CEP162: variants seen among roughly 807,000 people sequenced by gnomAD.
The protein encoded by CEP162 is centrosomal protein of 162 kDa.
A neutral mutation model predicts 169.2 loss-of-function variants in CEP162; 141 were observed. The observed-to-expected ratio is 0.83, with a 90% confidence interval of 0.73 to 0.96. The LOEUF is 0.96. CEP162 is among the 40% of genes least tolerant of loss of function. The probability of loss-of-function intolerance (pLI) is 0.00; values close to 1 mark genes in which losing one functional copy is unlikely to be tolerated. For missense variants in CEP162, 1,600 were observed against 1,587.2 expected (o/e 1.01, Z -0.14); for synonymous variants, 540 against 526.4 (o/e 1.03, Z -0.35).
chr6:84,187,778 G>C (rs561610012), intron 11 of CEP162, among the ~76,000 whole-genome samples: 1 of 152,280 alleles, frequency 6.6e-6, no homozygotes, highest in East Asian at 1.9e-4. Flanking sequence ...CCACATGCCA[G>C]CCGACCATGG....
chr6:84,140,875 C>G (rs1371499359), intron 25 of CEP162, among the ~76,000 whole-genome samples: 1 of 152,054 alleles, frequency 6.6e-6, no homozygotes, highest in Non-Finnish European at 1.5e-5. Context: ...GCAGCAGTTC[C>G]CAGACTTTTT....
At chr6:84,161,003 T>A (rs1696095185) in intron 20 of CEP162, 87 bp from the exon 21 acceptor site, 2 of 871,548 alleles carry the variant, frequency 2.3e-6, no homozygotes, top group South Asian at 1.5e-5. Context: ...AGTGCACTCA[T>A]ACATTTATTA....
chr6:84,164,844 C>T (rs1462019628), intron 18 of CEP162, among the ~76,000 whole-genome samples: 1 of 151,980 alleles, frequency 6.6e-6, no homozygotes, highest in Non-Finnish European at 1.5e-5. Context: ...TACATGTATC[C>T]CAGAACTTAA....
chr6:84,219,252 T>G (rs2099552717), intron 3 of CEP162: 4 of 887,252 alleles, frequency 4.5e-6, no homozygotes, highest in Non-Finnish European at 6.5e-6. Flanking sequence ...AGTAACCGTT[T>G]GCTTGAATCA....
intron 25 of CEP162, among the ~76,000 whole-genome samples, chr6:84,141,220 C>T (rs1402295002): frequency 6.6e-6 from 1 of 151,346 alleles, no homozygotes; most frequent in Non-Finnish European, 1.5e-5. Flanking sequence ...ATGGGTATAC[C>T]TTTAAAGATT....
rs1588907699 is a variant in CEP162 at position 84,226,470 on chromosome 6, T to C, written c.-59-18A>G. On this transcript the variant is annotated intron_variant, in intron 1 of 26. Transcript: ENST00000403245. ...TGGAAACACTAAATGACAAGAGACA[T>C]AAACATCTTTTGAGGAAATCCATCA... is the stretch of plus-strand genomic sequence containing the variant. 2.9e-6 allele frequency: 3 copies of C among 1,026,904 alleles called. No individual in the cohort carries two copies. Among genetic ancestry groups the C allele is most frequent in the South Asian group, 2.8e-5 (2 of 72,262 alleles). The allele number at this position is 1,026,904 out of a possible 1,614,324, so 63.6% of individuals were successfully genotyped here.
At chr6:84,173,411 A>G (rs1474619499) in intron 16 of CEP162, among the ~76,000 whole-genome samples, 3 of 152,232 alleles carry the variant, frequency 2.0e-5, no homozygotes, top group African/African-American at 7.2e-5. Flanking sequence ...CATAAATTAA[A>G]ACTTTGTTAA....
In CEP162 at chr6:84,224,462, T is replaced by C. The variant is rs1237436464; in HGVS notation, c.57+1875A>G. Among the ~76,000 whole-genome samples, 7 of 152,292 alleles carry C rather than the reference T, an allele frequency of 4.6e-5. No individual in the cohort carries two copies. The South Asian group carries it at 1.5e-3, about 32-fold the overall frequency. The stretch of plus-strand genomic sequence containing the variant: ...GGGTGATAAAAATTCCTATAATTGA[T>C]TGTGGTGATGGTTACATAACTCTGA... On this transcript the variant is annotated intron_variant, in intron 2 of 26. Coordinates refer to ENST00000403245, the MANE Select transcript of CEP162 (RefSeq NM_014895.4).
chr6:84,193,701 G>GA lies in CEP162; in HGVS notation c.1028-12dup, dbSNP rs536923886. On this transcript the variant is annotated splice_polypyrimidine_tract_variant and intron_variant, in intron 10 of 26. Coordinates refer to ENST00000403245, the MANE Select transcript of CEP162 (RefSeq NM_014895.4). ...CTACTGTGGGCAGATCTAAGAGGTG[G>GA]AAAAAAAAGTAGAAACGAAAAATGT... The GA allele has an allele frequency of 6.7e-5, 102 of 1,521,208 alleles. No homozygotes were observed. Among genetic ancestry groups the GA allele is most frequent in the South Asian group, 3.7e-4 (29 of 79,130 alleles). The allele number at this position is 1,521,208 out of a possible 1,614,324, so 94.2% of individuals were successfully genotyped here.
At chr6:84,174,271 T>TTC in intron 15 of CEP162, 83 bp from the exon 16 acceptor site, 1 of 1,092,832 alleles carries the variant, frequency 9.2e-7, no homozygotes, top group Non-Finnish European at 1.3e-6. Context: ...GAAACTCCTA[T>TTC]TTAGATCGAA....
chr6:84,208,860 T>C (rs2099548351), intron 6 of CEP162, among the ~76,000 whole-genome samples: 1 of 152,224 alleles, frequency 6.6e-6, no homozygotes, highest in Non-Finnish European at 1.5e-5. Context: ...CACTTCTAAG[T>C]GCTGTGAACA....
Position 84,171,625 on chromosome 6 carries a change from T to C in CEP162, c.2260A>G (p.Ser754Gly). The C allele has an allele frequency of 6.6e-7, 1 of 1,505,816 alleles. No individual in the cohort carries two copies. Among genetic ancestry groups the C allele is most frequent in the South Asian group, 1.3e-5 (1 of 75,114 alleles). 93.3% of individuals were successfully genotyped at this position (1,505,816 alleles called of 1,614,324 possible). The change falls in exon 17 of 27, where the codon AGT (serine) becomes GGT (glycine). Residue 754 changes from serine to glycine, a missense_variant. By Grantham distance (56) the Ser-to-Gly change is moderately conservative (BLOSUM62 0). Transcript: ENST00000403245. Reference sequence around the variant, plus strand: ...ACTTACTTTAAGGAAGCTACCTCACTGAATAAACTTTGGTTTTCCTTAAAC... The same window carrying C: ...ACTTACTTTAAGGAAGCTACCTCACCGAATAAACTTTGGTTTTCCTTAAAC... Reference protein sequence around the residue: ...RMFKENQSLFSEVASLKEQMH... With the variant: ...RMFKENQSLFGEVASLKEQMH...
intron 13 of CEP162, among the ~76,000 whole-genome samples, chr6:84,176,507 A>G (rs1489624227): frequency 6.6e-6 from 1 of 152,196 alleles, no homozygotes; most frequent in African/African-American, 2.4e-5. Context: ...CTGCTAGCAC[A>G]TGATTCTCCT....
At chr6:84,166,748 C>T (rs2099527994) in intron 18 of CEP162, among the ~76,000 whole-genome samples, 1 of 152,118 alleles carries the variant, frequency 6.6e-6, no homozygotes, top group Non-Finnish European at 1.5e-5. Flanking sequence ...AACCAACTAA[C>T]ATTTTAAGAA....
chr6:84,201,742 G>T lies in CEP162; in HGVS notation c.713C>A (p.Ala238Asp). ...TGAATATAAATAATATTTACCATTAGCAAGCATGCCAGTTTTTTCTTCTTC... is the reference window on the plus strand; with the variant it reads ...TGAATATAAATAATATTTACCATTATCAAGCATGCCAGTTTTTTCTTCTTC... Reference protein sequence around the residue: ...KQEEEKTGMLANVVLLDSLDS... With the variant: ...KQEEEKTGMLDNVVLLDSLDS... Residue 238 changes from alanine (A) to aspartate (D), a missense_variant, in exon 8 of 27, where the codon GCT (alanine) becomes GAT (aspartate). Physicochemically the swap from Ala to Asp is moderately radical, Grantham distance 126. Transcript: ENST00000403245. The T allele has an allele frequency of 7.5e-7, 1 of 1,338,588 alleles. No individual in the cohort carries two copies. Among genetic ancestry groups the T allele is most frequent in the Non-Finnish European group, 1.0e-6 (1 of 967,304 alleles). The allele number at this position is 1,338,588 out of a possible 1,614,324, so 82.9% of individuals were successfully genotyped here.
intron 11 of CEP162, among the ~76,000 whole-genome samples, chr6:84,192,153 A>G (rs2099540193): frequency 1.3e-5 from 2 of 152,206 alleles, no homozygotes; most frequent in African/African-American, 4.8e-5. Context: ...ATGACAAGCT[A>G]CTAAGATTTC....
At chr6:84,165,656 T>C (rs2099527540) in intron 18 of CEP162, among the ~76,000 whole-genome samples, 1 of 152,196 alleles carries the variant, frequency 6.6e-6, no homozygotes, top group Non-Finnish European at 1.5e-5. Context: ...ATGTATTAGA[T>C]AAATGTACGC....
intron 25 of CEP162, among the ~76,000 whole-genome samples, chr6:84,130,191 A>C (rs1169898865): frequency 6.6e-6 from 1 of 152,152 alleles, no homozygotes; most frequent in African/African-American, 2.4e-5. Flanking sequence ...CCAGACTTGC[A>C]TCTCAGGGAT....
intron 18 of CEP162, among the ~76,000 whole-genome samples, chr6:84,168,264 AG>A (rs1422890091): frequency 4.6e-5 from 7 of 152,176 alleles, no homozygotes; most frequent in Non-Finnish European, 7.4e-5. Flanking sequence ...ACTGAAAAGG[AG>A]GGGTCGTCCA....
Sources: gnomAD v4.1 joint callset for allele counts (sites outside exome capture counted in the v4.1 genomes callset) on GRCh38, gnomAD v4.1.1 for gene constraint, MANE v1.5 for transcripts, NCBI Gene and HGNC (gene_info 2026-07-23, HGNC 2026-07-21) for gene names.